The following NCOR2 variants were observed in gnomAD, a reference collection of about 807,000 sequenced individuals.
The protein encoded by NCOR2 is nuclear receptor corepressor 2, also known as CTG repeat protein 26.
A neutral mutation model predicts 262.9 loss-of-function variants in NCOR2; 81 were observed. That is an observed-to-expected ratio of 0.31 (90% CI 0.26 to 0.37). The LOEUF (loss-of-function observed/expected upper bound fraction) is 0.37. Among genes scored for constraint, NCOR2 ranks in the 10% least tolerant of loss-of-function variants. The pLI is 1.00. For synonymous variants in NCOR2, 1,659 were observed against 1,559.3 expected (o/e 1.06, Z -1.51); for missense variants, 3,385 against 3,621.4 (o/e 0.93, Z 1.68).
At chr12:124,509,818 C>T (rs2049285167) in intron 1 of NCOR2, among the ~76,000 whole-genome samples, 1 of 152,232 alleles carries the variant, frequency 6.6e-6, no homozygotes, top group African/African-American at 2.4e-5. Context: ...CTGCCCAGCA[C>T]AGCCCAGCTC....
intron 2 of NCOR2, 67 bp downstream of exon 4, chr12:124,486,373 GC>G (rs2136825426): frequency 6.3e-7 from 1 of 1,577,612 alleles, no homozygotes; most frequent in Non-Finnish European, 8.6e-7. Context: ...TCTGCCACGG[GC>G]CTCTGCTTCT....
At chr12:124,547,253 G>A (rs1053775308) in intron 1 of NCOR2, among the ~76,000 whole-genome samples, 4 of 151,720 alleles carry the variant, frequency 2.6e-5, no homozygotes, top group Non-Finnish European at 4.4e-5. Flanking sequence ...TTGGCTTCCC[G>A]AAGTGCTGGG....
chr12:124,340,797 G>C, intron 34 of NCOR2, 46 bp from the exon 37 acceptor site: 1 of 1,456,694 alleles, frequency 6.9e-7, no homozygotes, highest in Non-Finnish European at 9.0e-7. Flanking sequence ...GGAGGAGAGA[G>C]GCCAGGCTGC....
intron 37 of NCOR2, among the ~76,000 whole-genome samples, chr12:124,338,213 A>C (rs2036053728): frequency 6.6e-6 from 1 of 152,222 alleles, no homozygotes; most frequent in South Asian, 2.1e-4. Flanking sequence ...GTTGCCTCTA[A>C]ATAGGTCCTG....
chr12:124,455,158 C>A (rs540537951), intron 6 of NCOR2, among the ~76,000 whole-genome samples: 3 of 152,266 alleles, frequency 2.0e-5, no homozygotes, highest in Admixed American at 2.0e-4. Context: ...TAAAATTGAC[C>A]GTGGTGACAG....
intron 16 of NCOR2, among the ~76,000 whole-genome samples, chr12:124,391,199 C>T (rs1285217062): frequency 6.6e-6 from 1 of 152,194 alleles, no homozygotes; most frequent in African/African-American, 2.4e-5. Flanking sequence ...ACCACACCAC[C>T]GCCCACCTGC....
At chr12:124,360,475 C>A (rs1268406443) in intron 22 of NCOR2, among the ~76,000 whole-genome samples, 1 of 152,240 alleles carries the variant, frequency 6.6e-6, no homozygotes, top group Non-Finnish European at 1.5e-5. Flanking sequence ...CTTGACTCAA[C>A]AACGGCCAGA....
At chr12:124,479,516 T>C (rs1271356823) in intron 3 of NCOR2, among the ~76,000 whole-genome samples, 1 of 147,114 alleles carries the variant, frequency 6.8e-6, no homozygotes, top group Middle Eastern at 3.9e-3. Context: ...CACACGCACA[T>C]GCGCGCACAC....
chr12:124,463,815 G>A (rs114862982), intron 5 of NCOR2, among the ~76,000 whole-genome samples: 2,201 of 152,288 alleles, frequency 0.014, 56 homozygotes, highest in African/African-American at 0.051. Flanking sequence ...CAGCCCGGGC[G>A]GAGGATCCCC....
intron 10 of NCOR2, among the ~76,000 whole-genome samples, chr12:124,428,086 T>TGTGTGTGTGTGTGTGCGCGC (rs958627720): frequency 2.0e-5 from 3 of 147,054 alleles, no homozygotes; most frequent in Non-Finnish European, 4.5e-5. Context: ...TGTGTGTGTG[T>TGTGTGTGTGTGTGTGCGCGC]GTACATGCAA....
intron 1 of NCOR2, among the ~76,000 whole-genome samples, chr12:124,541,358 G>A (rs62651057): frequency 2.2e-3 from 39 of 17,678 alleles, no homozygotes; most frequent in East Asian, 0.016. Flanking sequence ...GATGGGAAGT[G>A]GAGAGCTGGA....
chr12:124,501,062 G>GCACGCACACACACA (rs1164232439), intron 1 of NCOR2, among the ~76,000 whole-genome samples: 18 of 147,916 alleles, frequency 1.2e-4, no homozygotes, highest in Middle Eastern at 3.4e-3. Flanking sequence ...GCGCACGCGC[G>GCACGCACACACACA]CACACACACA....
At chr12:124,337,274 C>T in intron 37 of NCOR2, 94 bp from the exon 40 acceptor site, 1 of 1,388,802 alleles carries the variant, frequency 7.2e-7, no homozygotes. Flanking sequence ...GATAAATCCA[C>T]ATCCCCTGCT....
At chr12:124,332,820 C>T (rs1028756076) in intron 42 of NCOR2, among the ~76,000 whole-genome samples, 10 of 152,160 alleles carry the variant, frequency 6.6e-5, no homozygotes, top group African/African-American at 2.4e-4. Context: ...CCACCTCACC[C>T]ATCGCCCCCG....
Position 124,420,025 on chromosome 12 carries a change from G to A in NCOR2, c.1414C>T (p.Leu472=), listed in dbSNP as rs201420194. ...TTATAGTTCTCATTCTTCTTAGTCA[G>A]GTAGTAATAGAGGACGCACTCAGCC... The change falls in exon 13 of 47, where the codon CTG becomes TTG. Residue 472 remains leucine (L), a synonymous_variant. Transcript: ENST00000405201. 472 of 1,613,660 alleles carry A rather than the reference G, an allele frequency of 2.9e-4. 1 individual carries two copies. The African/African-American group carries it at 5.1e-3, about 17-fold the overall frequency.
At chr12:124,521,136 A>G (rs934849458) in intron 1 of NCOR2, among the ~76,000 whole-genome samples, 1 of 152,150 alleles carries the variant, frequency 6.6e-6, no homozygotes, top group Non-Finnish European at 1.5e-5. Context: ...AACTCTGAGG[A>G]CCAGATCCAG....
chr12:124,351,826 A>G (rs1006192367), intron 27 of NCOR2, among the ~76,000 whole-genome samples: 4 of 152,160 alleles, frequency 2.6e-5, no homozygotes, highest in Admixed American at 6.5e-5. Flanking sequence ...AAATCTCAAT[A>G]TCCCTCTTCT....
In NCOR2 at chr12:124,503,613, C is replaced by CGGACGGACGGAT. The variant is rs1555233154; in HGVS notation, c.-117-8246_-117-8245insATCCGTCCGTCC. 4.3e-5 allele frequency among the ~76,000 whole-genome samples: 6 copies of CGGACGGACGGAT among 139,104 alleles called. No individual in the cohort carries two copies. Among genetic ancestry groups the CGGACGGACGGAT allele is most frequent in the African/African-American group, 1.7e-4 (6 of 36,130 alleles). The allele number at this position is 139,104 out of a possible 152,430, so 91.3% of individuals were successfully genotyped here. On this transcript the variant is annotated intron_variant, in intron 1 of 46. Transcript: ENST00000404621. The surrounding 1 kb of genome is among the most constrained non-coding windows in gnomAD (Gnocchi z 4.3). ...ACGGATGGATGGATGGACGGACGGA[C>CGGACGGACGGAT]GGATGGATGGATGGATGGATGGGCG...
chr12:124,338,318 G>C (rs2036064015), intron 37 of NCOR2, among the ~76,000 whole-genome samples: 1 of 152,050 alleles, frequency 6.6e-6, no homozygotes, highest in African/African-American at 2.4e-5. Flanking sequence ...GACCAGCCTG[G>C]CCAACGTGGT....
Sources: allele counts gnomAD v4.1 joint callset (sites outside exome capture counted in the v4.1 genomes callset), GRCh38; gene constraint gnomAD v4.1.1; non-coding constraint Gnocchi (gnomAD v3.1); transcripts MANE v1.5; gene names NCBI Gene and HGNC (gene_info 2026-07-23, HGNC 2026-07-21).